DCP1A: variants seen among roughly 807,000 people sequenced by gnomAD.
DCP1A encodes decapping mRNA 1A.
In DCP1A, 20 loss-of-function variants were observed where a neutral mutation model predicts 58.0. That is an observed-to-expected ratio of 0.34 (90% confidence interval 0.24 to 0.50). The LOEUF (loss-of-function observed/expected upper bound fraction) is 0.50. DCP1A is among the 20% of genes least tolerant of loss of function. The probability of loss-of-function intolerance (pLI) is 0.98; values close to 1 mark genes in which losing one functional copy is unlikely to be tolerated. For missense variants in DCP1A, 613 were observed against 712.2 expected (o/e 0.86, Z 1.59); for synonymous variants, 285 against 275.1 (o/e 1.04, Z -0.36).
At chr3:53,319,366 C>G (rs1553689631) in intron 4 of DCP1A, 41 bp downstream of exon 4, 1 of 1,247,260 alleles carries the variant, frequency 8.0e-7, no homozygotes, top group African/African-American at 1.5e-5. Context: ...TTTTTCATTT[C>G]TCACATATCA....
chr3:53,343,980 T>C (rs1428306759), intron 2 of DCP1A, among the ~76,000 whole-genome samples: 1 of 152,114 alleles, frequency 6.6e-6, no homozygotes, highest in Non-Finnish European at 1.5e-5. Context: ...AAAAAAGAGC[T>C]TGGTGTACAA....
At chr3:53,326,697 T>C (rs1189406302) in intron 3 of DCP1A, among the ~76,000 whole-genome samples, 1 of 152,226 alleles carries the variant, frequency 6.6e-6, no homozygotes, top group Admixed American at 6.5e-5. Flanking sequence ...TTGTCTTCCA[T>C]CACCTCCAGA....
chr3:53,331,337 G>A (rs1553691258), intron 3 of DCP1A, among the ~76,000 whole-genome samples: 3 of 152,132 alleles, frequency 2.0e-5, no homozygotes, highest in Admixed American at 6.6e-5. Context: ...TGCAAGTCAC[G>A]TGCCACAAAT....
At chr3:53,332,831 C>T (rs534697742) in intron 3 of DCP1A, among the ~76,000 whole-genome samples, 1 of 151,298 alleles carries the variant, frequency 6.6e-6, no homozygotes, top group African/African-American at 2.4e-5. Context: ...GCACTCCAGC[C>T]TGGGTGACAA....
Position 53,312,375 on chromosome 3 carries a change from C to T in DCP1A, c.376G>A (p.Val126Ile). Residue 126 changes from valine to isoleucine, a missense_variant, in exon 5 of 10, where the codon GTA becomes ATA. By Grantham distance (29) the Val-to-Ile change is conservative. Around this residue, in one of 3 missense-constraint regions of DCP1A, gnomAD observed 498 missense variants for 556.7 expected, o/e 0.89. Coordinates refer to ENST00000610213, the MANE Select transcript of DCP1A (RefSeq NM_018403.7). ...TGGGATCGCCGTGTCTCCTCTTCTA[C>T]CACACTAGAGGAGAAGAACAAGGTT... ...HRIAKLMADV[V>I]EEETRRSQQA... The T allele has an allele frequency of 6.2e-7, 1 of 1,602,346 alleles. No individual in the cohort carries two copies. The highest frequency in any genetic ancestry group is 8.5e-7 in the Non-Finnish European group (1 of 1,175,404).
At chr3:53,303,818 A>G (rs1707382253) in intron 6 of DCP1A, among the ~76,000 whole-genome samples, 1 of 152,212 alleles carries the variant, frequency 6.6e-6, no homozygotes. Context: ...CAGATAAGGT[A>G]GGGCCTCGTG....
At chr3:53,311,103 C>T (rs1389113181) in intron 5 of DCP1A, among the ~76,000 whole-genome samples, 2 of 152,182 alleles carry the variant, frequency 1.3e-5, no homozygotes, top group African/African-American at 2.4e-5. Context: ...ATGCTAACAA[C>T]AGTACCTTAA....
chr3:53,344,775 G>A (rs1033774306), intron 2 of DCP1A, 127 bp downstream of exon 2: 1 of 606,306 alleles, frequency 1.6e-6, no homozygotes, highest in East Asian at 3.2e-5. Flanking sequence ...TCACAGCTAG[G>A]GAAAGATGAA....
Position 53,331,093 on chromosome 3 carries a change from G to A in DCP1A, c.304+11051C>T, listed in dbSNP as rs534991362. The stretch of plus-strand genomic sequence containing the variant: ...AGGCTGGTCTCAAACTCCTGACCTC[G>A]TGATCCGCCTGGCTTGGCCTCCCAA... On this transcript the variant is annotated intron_variant, in intron 3 of 9. Transcript: ENST00000610213. 3.0e-3 allele frequency among the ~76,000 whole-genome samples: 464 copies of A among 152,172 alleles called. 3 individuals are homozygous for A. The highest frequency in any genetic ancestry group is 0.011 in the African/African-American group (447 of 41,534).
At chr3:53,338,633 A>C (rs2089155284) in intron 3 of DCP1A, among the ~76,000 whole-genome samples, 1 of 152,028 alleles carries the variant, frequency 6.6e-6, no homozygotes. Context: ...AGGCCAAGGC[A>C]GGTGGATCAC....
intron 3 of DCP1A, among the ~76,000 whole-genome samples, chr3:53,334,283 A>G (rs1402728859): frequency 1.3e-5 from 2 of 152,150 alleles, no homozygotes; most frequent in African/African-American, 4.8e-5. Context: ...AAATAAATAG[A>G]TAAAAATAAT....
At chr3:53,303,678 G>A (rs1207486484) in intron 6 of DCP1A, among the ~76,000 whole-genome samples, 1 of 152,194 alleles carries the variant, frequency 6.6e-6, no homozygotes, top group East Asian at 1.9e-4. Context: ...TACAGGCCAA[G>A]GGAACAAGTG....
intron 3 of DCP1A, among the ~76,000 whole-genome samples, chr3:53,327,228 C>G (rs892332497): frequency 2.0e-5 from 3 of 152,110 alleles, no homozygotes; most frequent in Non-Finnish European, 4.4e-5. Context: ...ATTTTTCTAC[C>G]AATTTACTAA....
Position 53,292,362 on chromosome 3 carries a change from T to C in DCP1A, c.1090A>G (p.Ser364Gly), listed in dbSNP as rs1706919758. 5 of 1,613,182 alleles carry C rather than the reference T, an allele frequency of 3.1e-6. No individual in the cohort carries two copies. Among genetic ancestry groups the C allele is most frequent in the Non-Finnish European group, 3.4e-6 (4 of 1,179,308 alleles). The part of the protein sequence containing the change: ...PLLNQPVPEL[S>G]HASLIANQSP... ...TGGTTGGCAATCAGACTGGCATGGCTTAGCTCAGGGACTGGCTGGTTCAGG... is the reference window on the plus strand; with the variant it reads ...TGGTTGGCAATCAGACTGGCATGGCCTAGCTCAGGGACTGGCTGGTTCAGG... The change falls in exon 7 of 10, where the codon AGC becomes GGC. Residue 364 changes from serine to glycine, a missense_variant. By Grantham distance (56) the Ser-to-Gly change is moderately conservative. Transcript: ENST00000610213.
intron 3 of DCP1A, among the ~76,000 whole-genome samples, chr3:53,325,151 T>A (rs1372578452): frequency 1.3e-5 from 2 of 152,226 alleles, no homozygotes; most frequent in Admixed American, 1.3e-4. Flanking sequence ...CTATTATGAT[T>A]TCATATAAAA....
chr3:53,326,615 T>C (rs1575613924), intron 3 of DCP1A, among the ~76,000 whole-genome samples: 1 of 152,196 alleles, frequency 6.6e-6, no homozygotes, highest in Non-Finnish European at 1.5e-5. Context: ...GCTCCAGCCC[T>C]ACTGTGAACT....
chr3:53,328,432 A>G (rs1553690900), intron 3 of DCP1A, among the ~76,000 whole-genome samples: 1 of 152,210 alleles, frequency 6.6e-6, no homozygotes, highest in Non-Finnish European at 1.5e-5. Context: ...AAACATTTGA[A>G]GTATTGAATA....
chr3:53,317,207 C>T (rs1477022765), intron 4 of DCP1A, among the ~76,000 whole-genome samples: 2 of 151,846 alleles, frequency 1.3e-5, no homozygotes, highest in Non-Finnish European at 2.9e-5. Context: ...CTCTTGTTGC[C>T]CAGGCTGGAA....
intron 8 of DCP1A, 32 bp downstream of exon 8, chr3:53,290,749 TAAAAAAAAAA>T (rs61290855): frequency 6.9e-5 from 47 of 682,834 alleles, no homozygotes; most frequent in African/African-American, 1.0e-4. Flanking sequence ...CGACTAGTCT[TAAAAAAAAAA>T]AAAAAAAAAA....
Sources: gnomAD v4.1 joint callset for allele counts (sites outside exome capture counted in the v4.1 genomes callset) on GRCh38, gnomAD v4.1.1 for gene constraint, gnomAD v4.1.1 regional missense constraint, MANE v1.5 for transcripts, NCBI Gene and HGNC (gene_info 2026-07-23, HGNC 2026-07-21) for gene names.